The following CSMD1 variants were observed in gnomAD, a reference collection of about 807,000 sequenced individuals.
The protein encoded by CSMD1 is CUB and Sushi multiple domains 1.
CSMD1 carries 213 observed loss-of-function variants against 417.5 expected under a neutral mutation model. That is an observed-to-expected ratio of 0.51 (90% confidence interval 0.46 to 0.57). CSMD1 has a LOEUF of 0.57. Ranked by LOEUF, CSMD1 falls within the 20% of genes least tolerant of loss-of-function variation. The probability of loss-of-function intolerance (pLI) is 0.00; values close to 1 mark genes in which losing one functional copy is unlikely to be tolerated. For missense variants in CSMD1, 6,923 were observed against 4,529.7 expected (o/e 1.53, Z -15.17); for synonymous variants, 2,862 against 1,736.8 (o/e 1.65, Z -16.11).
In CSMD1 at chr8:4,112,578, C is replaced by A. The variant is rs144904832; in HGVS notation, c.416-80479G>T. ...TTCTCTGTTCCCTCTTCTGGGGAGG[C>A]TGACTTCACAGTCTGTGCGTGTATG... On this transcript the variant is annotated intron_variant, in intron 3 of 69. Coordinates refer to ENST00000635120, the MANE Select transcript of CSMD1 (RefSeq NM_033225.6). Among the ~76,000 whole-genome samples the A allele has an allele frequency of 4.0e-3, 608 of 152,260 alleles. 5 individuals are homozygous for A. The highest frequency in any genetic ancestry group is 0.014 in the African/African-American group (574 of 41,556).
intron 2 of CSMD1, among the ~76,000 whole-genome samples, chr8:4,460,259 C>T (rs2129936581): frequency 6.6e-6 from 1 of 151,966 alleles, no homozygotes; most frequent in Non-Finnish European, 1.5e-5. Flanking sequence ...TTAAAGAAAT[C>T]ACTAGGGAAA....
chr8:4,530,401 T>C (rs1478848684), intron 2 of CSMD1, among the ~76,000 whole-genome samples: 1 of 142,378 alleles, frequency 7.0e-6, no homozygotes, highest in Non-Finnish European at 1.5e-5. Context: ...TAGGAATACA[T>C]TTGCCATGGT....
intron 3 of CSMD1, among the ~76,000 whole-genome samples, chr8:4,065,829 G>A (rs550090403): frequency 4.3e-4 from 66 of 151,998 alleles, no homozygotes; most frequent in African/African-American, 1.5e-3. Context: ...TTCTTTTTTT[G>A]GAATATATTT....
chr8:4,682,382 G>T (rs1421026818), intron 1 of CSMD1, among the ~76,000 whole-genome samples: 1 of 152,020 alleles, frequency 6.6e-6, no homozygotes, highest in Non-Finnish European at 1.5e-5. Context: ...ATTACTTGTT[G>T]TGTATCTGTG....
At chr8:4,201,016 G>T (rs1313096409) in intron 3 of CSMD1, among the ~76,000 whole-genome samples, 3 of 152,130 alleles carry the variant, frequency 2.0e-5, no homozygotes, top group Non-Finnish European at 4.4e-5. Context: ...CAGTGTGGAA[G>T]GCATCATGAG....
intron 3 of CSMD1, among the ~76,000 whole-genome samples, chr8:4,133,800 C>A (rs1395778803): frequency 6.6e-6 from 1 of 152,118 alleles, no homozygotes; most frequent in Non-Finnish European, 1.5e-5. Context: ...TATAGCCATG[C>A]CACTCTGACC....
At chr8:3,854,898 C>G (rs1426479023) in intron 5 of CSMD1, among the ~76,000 whole-genome samples, 2 of 152,098 alleles carry the variant, frequency 1.3e-5, no homozygotes, top group South Asian at 4.1e-4. Flanking sequence ...CATTACAATT[C>G]ACTCGCAAAG....
intron 3 of CSMD1, among the ~76,000 whole-genome samples, chr8:4,418,445 G>C (rs116774474): frequency 6.6e-6 from 1 of 152,050 alleles, no homozygotes; most frequent in Admixed American, 6.6e-5. Context: ...TCTCAACAGC[G>C]ATGGAGTTTT....
chr8:4,311,507 G>A (rs879598519), intron 3 of CSMD1, among the ~76,000 whole-genome samples: 1 of 152,110 alleles, frequency 6.6e-6, no homozygotes, highest in African/African-American at 2.4e-5. Context: ...CAGATCACCT[G>A]AGATCAGGAG....
At chr8:3,942,440 C>G (rs574183575) in intron 5 of CSMD1, among the ~76,000 whole-genome samples, 3 of 152,174 alleles carry the variant, frequency 2.0e-5, no homozygotes, top group East Asian at 3.9e-4. Flanking sequence ...GTACCTGAAC[C>G]ACACCACACC....
intron 3 of CSMD1, among the ~76,000 whole-genome samples, chr8:4,277,153 T>C (rs1329876807): frequency 6.6e-6 from 1 of 152,024 alleles, no homozygotes; most frequent in East Asian, 1.9e-4. Context: ...AGCCATAGTT[T>C]AATCCAACAC....
At chr8:4,713,416 T>TTTGTG (rs1260012798) in intron 1 of CSMD1, among the ~76,000 whole-genome samples, 1 of 142,274 alleles carries the variant, frequency 7.0e-6, no homozygotes, top group African/African-American at 2.6e-5. Context: ...TTTGTTTTGT[T>TTTGTG]TTTGAGACAG....
chr8:4,276,200 A>T (rs1227289017), intron 3 of CSMD1, among the ~76,000 whole-genome samples: 1 of 152,220 alleles, frequency 6.6e-6, no homozygotes, highest in Non-Finnish European at 1.5e-5. Context: ...TGTTCACAAT[A>T]GCAAAGACCT....
intron 5 of CSMD1, among the ~76,000 whole-genome samples, chr8:3,949,413 C>A (rs1359985180): frequency 1.3e-5 from 2 of 152,124 alleles, no homozygotes; most frequent in East Asian, 3.9e-4. Context: ...CTAACTATCA[C>A]ATGGATGAGG....
intron 3 of CSMD1, among the ~76,000 whole-genome samples, chr8:4,261,107 T>G (rs1391292048): frequency 2.0e-5 from 3 of 152,234 alleles, no homozygotes; most frequent in African/African-American, 7.2e-5. Context: ...ATGTGTCATT[T>G]ACACATGTCT....
intron 51 of CSMD1, among the ~76,000 whole-genome samples, chr8:3,019,193 C>A (rs1426797089): frequency 1.3e-5 from 2 of 152,226 alleles, no homozygotes; most frequent in Non-Finnish European, 2.9e-5. Context: ...GCTGGGATTA[C>A]AGGCGTGAGC....
At chr8:3,583,832 G>A (rs1372429575) in intron 9 of CSMD1, among the ~76,000 whole-genome samples, 1 of 151,944 alleles carries the variant, frequency 6.6e-6, no homozygotes, top group East Asian at 1.9e-4. Context: ...TTAGGTCCCA[G>A]AAAGGATACT....
At chr8:3,174,329 ATT>A (rs1276201171) in intron 37 of CSMD1, among the ~76,000 whole-genome samples, 1 of 152,166 alleles carries the variant, frequency 6.6e-6, no homozygotes, top group African/African-American at 2.4e-5. Flanking sequence ...GCCTGTATCT[ATT>A]AAGAATACAA....
intron 10 of CSMD1, among the ~76,000 whole-genome samples, chr8:3,564,433 C>G (rs1439180404): frequency 6.6e-6 from 1 of 151,900 alleles, no homozygotes; most frequent in Non-Finnish European, 1.5e-5. Context: ...TACAGCTGTG[C>G]TGTTATTCTT....
Sources: gnomAD v4.1 joint callset for allele counts (sites outside exome capture counted in the v4.1 genomes callset) on GRCh38, gnomAD v4.1.1 for gene constraint, MANE v1.5 for transcripts, NCBI Gene and HGNC (gene_info 2026-07-23, HGNC 2026-07-21) for gene names.